The following GALNT13 variants were observed in gnomAD, a reference collection of about 807,000 sequenced individuals.
GALNT13 encodes UDP-GalNAc:polypeptide N-acetylgalactosaminyltransferase 13.
GALNT13 carries 28 observed loss-of-function variants against 64.2 expected under a neutral mutation model. The ratio of observed to expected loss-of-function variants is 0.44; its 90% CI spans 0.32 to 0.60. GALNT13 has a LOEUF of 0.60. Ranked by LOEUF, GALNT13 falls within the 20% of genes least tolerant of loss-of-function variation. GALNT13 has a pLI of 0.05. For missense variants in GALNT13, 577 were observed against 669.8 expected, an observed-to-expected ratio of 0.86 and a Z score of 1.53; for synonymous variants, 214 against 224.6, an observed-to-expected ratio of 0.95 and a Z score of 0.42.
chr2:154,077,443 A>T (rs1327122689), intron 3 of GALNT13, among the ~76,000 whole-genome samples: 25 of 151,582 alleles, frequency 1.6e-4, no homozygotes. Context: ...GACATGCAAG[A>T]TAATAATAAA....
At chr2:153,751,682 CTT>C in the GALNT13 span, among the ~76,000 whole-genome samples, 1 of 151,612 alleles carries the variant, frequency 6.6e-6, no homozygotes, top group African/African-American at 2.4e-5. Context: ...CATGGAATAT[CTT>C]TTTCCATCCC....
At chr2:153,125,469 A>G in the GALNT13 span, among the ~76,000 whole-genome samples, 295 of 152,298 alleles carry the variant, frequency 1.9e-3, 2 homozygotes, top group African/African-American at 6.6e-3. Context: ...TGAGAGCGTT[A>G]ATGGAAGGCA....
chr2:153,542,922 C>T, the GALNT13 span, among the ~76,000 whole-genome samples: 3 of 152,082 alleles, frequency 2.0e-5, no homozygotes, highest in Non-Finnish European at 2.9e-5. Context: ...AAATTTTGAG[C>T]ATGTAACCAA....
the GALNT13 span, among the ~76,000 whole-genome samples, chr2:153,372,823 T>C: frequency 6.6e-6 from 1 of 152,206 alleles, no homozygotes; most frequent in Non-Finnish European, 1.5e-5. Context: ...TAGTGTGCCT[T>C]GTATTGGCAC....
the GALNT13 span, among the ~76,000 whole-genome samples, chr2:153,265,466 A>C: frequency 6.6e-6 from 1 of 152,168 alleles, no homozygotes; most frequent in Non-Finnish European, 1.5e-5. Flanking sequence ...CTGAGTTCCA[A>C]TGCAAAGTTC....
intron 3 of GALNT13, among the ~76,000 whole-genome samples, chr2:154,004,168 G>T (rs1333970795): frequency 6.6e-6 from 1 of 151,492 alleles, no homozygotes; most frequent in Non-Finnish European, 1.5e-5. Context: ...TTATTACTTT[G>T]CTATAGAATA....
At chr2:153,959,768 A>G (rs1255513248) in intron 3 of GALNT13, among the ~76,000 whole-genome samples, 1 of 152,126 alleles carries the variant, frequency 6.6e-6, no homozygotes. Context: ...CAATTTGGTA[A>G]TCCACCCATT....
At chr2:153,923,293 T>A (rs1421766656) in intron 2 of GALNT13, among the ~76,000 whole-genome samples, 1 of 152,228 alleles carries the variant, frequency 6.6e-6, no homozygotes, top group African/African-American at 2.4e-5. Flanking sequence ...CTTTTGTACA[T>A]ATCTTTGCCA....
At chr2:153,823,289 G>A in the GALNT13 span, among the ~76,000 whole-genome samples, 1 of 152,038 alleles carries the variant, frequency 6.6e-6, no homozygotes, top group Non-Finnish European at 1.5e-5. Flanking sequence ...AATTCATATG[G>A]AACTCAAAAA....
the GALNT13 span, among the ~76,000 whole-genome samples, chr2:153,522,580 CTTG>C: frequency 3.0e-4 from 45 of 152,190 alleles, no homozygotes; most frequent in African/African-American, 1.1e-3. Context: ...ATAGTGGTAT[CTTG>C]TTGTTTTAAA....
At position 153,872,649 on chromosome 2, in the gene GALNT13, C is replaced by T. The variant is rs1234061104; in HGVS notation, c.-177+346C>T. On this transcript the variant is annotated intron_variant, in intron 1 of 12. Coordinates refer to ENST00000392825, the MANE Select transcript of GALNT13 (RefSeq NM_052917.4). Reference sequence around the variant, plus strand: ...GGGGGGGGGGGAGCGGCTCTGGCCCCCTCTGCGTTCTGGTGACGTTCCTCC... The same window carrying T: ...GGGGGGGGGGGAGCGGCTCTGGCCCTCTCTGCGTTCTGGTGACGTTCCTCC... Among the ~76,000 whole-genome samples the T allele has an allele frequency of 2.7e-5, 4 of 148,388 alleles. No homozygotes were observed. The East Asian group carries it at 9.1e-4, about 34-fold the overall frequency.
At chr2:153,518,361 G>A in the GALNT13 span, among the ~76,000 whole-genome samples, 19,083 of 152,064 alleles carry the variant, frequency 0.13, 1,311 homozygotes, top group African/African-American at 0.18. Context: ...CAGGATACTT[G>A]ATACCTGACA....
At chr2:154,195,447 C>T (rs1686826689) in intron 4 of GALNT13, among the ~76,000 whole-genome samples, 1 of 152,060 alleles carries the variant, frequency 6.6e-6, no homozygotes, top group Admixed American at 6.6e-5. Context: ...ATGACTCAAC[C>T]GGGTGAAACA....
rs560623428 is a variant in GALNT13, at chr2:153,967,488, C to G, written c.142+22849C>G. On this transcript the variant is annotated intron_variant, in intron 3 of 12. Transcript: ENST00000392825. ...AGCCCAGGAACACTGTGGCTCTTCA[C>G]TTAATTAAATACACAGTCTTGGTGG... is the stretch of plus-strand genomic sequence containing the variant. Among the ~76,000 whole-genome samples the G allele has an allele frequency of 5.9e-5, 9 of 152,256 alleles. No individual in the cohort carries two copies. The South Asian group carries it at 1.9e-3, about 32-fold the overall frequency.
chr2:153,753,777 G>T, the GALNT13 span, among the ~76,000 whole-genome samples: 1 of 152,212 alleles, frequency 6.6e-6, no homozygotes, highest in African/African-American at 2.4e-5. Flanking sequence ...AGCCAACTGT[G>T]CCTGTTTCCT....
chr2:154,197,410 G>A (rs1408872122), intron 4 of GALNT13, among the ~76,000 whole-genome samples: 1 of 152,058 alleles, frequency 6.6e-6, no homozygotes, highest in Non-Finnish European at 1.5e-5. Flanking sequence ...TTGTATTCCA[G>A]GTGGTAAAGG....
At chr2:154,102,570 GTGTACAC>G (rs1702403754) in intron 3 of GALNT13, among the ~76,000 whole-genome samples, 1 of 152,112 alleles carries the variant, frequency 6.6e-6, no homozygotes, top group Non-Finnish European at 1.5e-5. Flanking sequence ...ACTGGGTGCA[GTGTACAC>G]TGTCTGGTGA....
At chr2:153,140,224 G>A in the GALNT13 span, among the ~76,000 whole-genome samples, 5 of 152,048 alleles carry the variant, frequency 3.3e-5, no homozygotes, top group East Asian at 1.9e-4. Flanking sequence ...TGTATGCCAA[G>A]CACTATTCCA....
At chr2:154,126,951 T>A (rs2105533835) in intron 3 of GALNT13, among the ~76,000 whole-genome samples, 1 of 152,276 alleles carries the variant, frequency 6.6e-6, no homozygotes, top group Non-Finnish European at 1.5e-5. Flanking sequence ...AATGTTTTTA[T>A]TATGCTGCAA....
Sources: gnomAD v4.1 joint callset for allele counts (sites outside exome capture counted in the v4.1 genomes callset) on GRCh38, gnomAD v4.1.1 for gene constraint, MANE v1.5 for transcripts, NCBI Gene and HGNC (gene_info 2026-07-23, HGNC 2026-07-21) for gene names.